COL10A1: variants seen among roughly 807,000 people sequenced by gnomAD.
COL10A1 encodes the protein collagen alpha-1(X) chain.
In COL10A1, 10 loss-of-function variants were observed where a neutral mutation model predicts 18.2. The ratio of observed to expected loss-of-function variants is 0.55; its 90% CI spans 0.34 to 0.93. COL10A1 has a LOEUF of 0.93. COL10A1 is among the 40% of genes least tolerant of loss of function. COL10A1 has a pLI of 0.02. For missense variants in COL10A1, 897 were observed against 853.5 expected, an observed-to-expected ratio of 1.05 and a Z score of -0.64; for synonymous variants, 330 against 316.6, an observed-to-expected ratio of 1.04 and a Z score of -0.45.
chr6:116,179,389 A>G, the COL10A1 span, among the ~76,000 whole-genome samples: 1 of 152,146 alleles, frequency 6.6e-6, no homozygotes, highest in African/African-American at 2.4e-5. Context: ...CTTTTCATGC[A>G]TCTGACAAAG....
chr6:116,152,439 C>T (rs570672526), intron 1 of COL10A1, among the ~76,000 whole-genome samples: 31 of 152,182 alleles, frequency 2.0e-4, no homozygotes, highest in African/African-American at 7.5e-4. Context: ...CTTTTGAACT[C>T]CTGTGTCCTC....
At chr6:116,211,951 C>T in the COL10A1 span, among the ~76,000 whole-genome samples, 576 of 152,046 alleles carry the variant, frequency 3.8e-3, 3 homozygotes, top group African/African-American at 0.013. Context: ...TTCATTCACG[C>T]AGTGAGGCCT....
the COL10A1 span, among the ~76,000 whole-genome samples, chr6:116,201,923 C>T: frequency 6.6e-6 from 1 of 151,966 alleles, no homozygotes; most frequent in Non-Finnish European, 1.5e-5. Flanking sequence ...GATTTATGCA[C>T]CTACAGCTGA....
At chr6:116,141,528 C>A (rs912901308) in intron 1 of COL10A1, among the ~76,000 whole-genome samples, 18 of 152,084 alleles carry the variant, frequency 1.2e-4, no homozygotes, top group Non-Finnish European at 2.4e-4. Flanking sequence ...CAAGAAAAAA[C>A]GTGGCACCCT....
chr6:116,174,856 A>G, the COL10A1 span, among the ~76,000 whole-genome samples: 6 of 152,182 alleles, frequency 3.9e-5, no homozygotes, highest in African/African-American at 1.4e-4. Context: ...ATAGTTCCCT[A>G]CAAACACTAC....
chr6:116,195,716 T>C, the COL10A1 span, among the ~76,000 whole-genome samples: 4 of 152,158 alleles, frequency 2.6e-5, no homozygotes, highest in Non-Finnish European at 2.9e-5. Flanking sequence ...GTTAGCTAAA[T>C]ATATTCATTA....
the COL10A1 span, among the ~76,000 whole-genome samples, chr6:116,198,772 C>G: frequency 6.6e-6 from 1 of 151,866 alleles, no homozygotes; most frequent in African/African-American, 2.4e-5. Context: ...AGTCTCTTAT[C>G]TGATTTGAGA....
At chr6:116,138,664 G>A (rs1269106731) in intron 1 of COL10A1, among the ~76,000 whole-genome samples, 1 of 152,116 alleles carries the variant, frequency 6.6e-6, no homozygotes, top group Non-Finnish European at 1.5e-5. Context: ...AGAATAGTAT[G>A]ACTAAAAACT....
the COL10A1 span, among the ~76,000 whole-genome samples, chr6:116,192,893 TCAG>T: frequency 6.6e-6 from 1 of 152,086 alleles, no homozygotes; most frequent in African/African-American, 2.4e-5. Flanking sequence ...CGTTGCATCT[TCAG>T]CAGACCCCAG....
chr6:116,199,025 TATA>T, the COL10A1 span, among the ~76,000 whole-genome samples: 2 of 152,080 alleles, frequency 1.3e-5, no homozygotes, highest in African/African-American at 2.4e-5. Flanking sequence ...CTGTGCATTA[TATA>T]ATGTTTAGCA....
the COL10A1 span, among the ~76,000 whole-genome samples, chr6:116,212,983 C>A: frequency 3.1e-4 from 47 of 151,956 alleles, no homozygotes; most frequent in Non-Finnish European, 5.4e-4. Context: ...CAATTTAGAG[C>A]CTGTTTACTT....
At chr6:116,196,768 C>G in the COL10A1 span, among the ~76,000 whole-genome samples, 1 of 151,890 alleles carries the variant, frequency 6.6e-6, no homozygotes, top group African/African-American at 2.4e-5. Context: ...GGCTCACTCT[C>G]TCCACCTTTT....
intron 1 of COL10A1, among the ~76,000 whole-genome samples, chr6:116,154,588 G>C (rs960521739): frequency 1.3e-5 from 2 of 152,130 alleles, no homozygotes; most frequent in Non-Finnish European, 2.9e-5. Context: ...AGAACAGTGA[G>C]GTGGTGTTTA....
chr6:116,177,464 C>T, the COL10A1 span, among the ~76,000 whole-genome samples: 863 of 152,216 alleles, frequency 5.7e-3, 17 homozygotes, highest in South Asian at 0.046. Flanking sequence ...AAAGTATATT[C>T]ATGAGCTTTC....
chr6:116,125,268 A>G, intron 2 of COL10A1, 71 bp downstream of exon 2: 1 of 1,540,194 alleles, frequency 6.5e-7, no homozygotes. Flanking sequence ...GCATTTTGTT[A>G]AAGAGATTAT....
rs77752802 is a variant in COL10A1, at chr6:116,154,129, G to A, written c.-16+4485C>T. 6.8e-4 allele frequency among the ~76,000 whole-genome samples: 102 copies of A among 149,610 alleles called. 2 individuals are homozygous for A. In the East Asian group the frequency reaches 0.019, roughly 28 times the overall value. On this transcript the variant is annotated intron_variant, in intron 1 of 1. Coordinates refer to the COL10A1 transcript ENST00000418500. ...ATGGCTCTCAAATCAGCATTGATTT[G>A]TAGTGTACTTTTTCCCCCTCAGAAT...
intron 1 of COL10A1, among the ~76,000 whole-genome samples, chr6:116,131,357 T>A (rs1779459083): frequency 6.6e-6 from 1 of 152,250 alleles, no homozygotes. Flanking sequence ...GTAACTATTT[T>A]TAAAACATTG....
At chr6:116,141,442 A>G (rs1400749468) in intron 1 of COL10A1, among the ~76,000 whole-genome samples, 1 of 152,130 alleles carries the variant, frequency 6.6e-6, no homozygotes, top group Admixed American at 6.6e-5. Flanking sequence ...GTTCAAAATA[A>G]TTCATTGAGA....
the COL10A1 span, among the ~76,000 whole-genome samples, chr6:116,209,730 A>T: frequency 6.6e-6 from 1 of 151,926 alleles, no homozygotes; most frequent in African/African-American, 2.4e-5. Flanking sequence ...CTGAGTTTCC[A>T]GATAATAGCA....
Sources: allele counts gnomAD v4.1 joint callset (sites outside exome capture counted in the v4.1 genomes callset), GRCh38; gene constraint gnomAD v4.1.1; transcripts MANE v1.5; gene names NCBI Gene and HGNC (gene_info 2026-07-23, HGNC 2026-07-21).